The following UTS2 variants were observed in gnomAD, a reference collection of about 807,000 sequenced individuals.
UTS2 encodes urotensin-2.
In UTS2, 10 loss-of-function variants were observed where a neutral mutation model predicts 12.6. The ratio of observed to expected loss-of-function variants is 0.80; its 90% CI spans 0.49 to 1.35. The LOEUF (loss-of-function observed/expected upper bound fraction) is 1.35. Among genes scored for constraint, UTS2 ranks in the 40% most tolerant of loss-of-function variants. UTS2 has a pLI of 0.00. For synonymous variants in UTS2, 52 were observed against 50.0 expected, an observed-to-expected ratio of 1.04 and a Z score of -0.17; for missense variants, 142 against 143.2, an observed-to-expected ratio of 0.99 and a Z score of 0.04.
chr1:7,908,574 A>G, the UTS2 span, among the ~76,000 whole-genome samples: 1 of 151,522 alleles, frequency 6.6e-6, no homozygotes, highest in African/African-American at 2.4e-5. Context: ...TTGAGAGGCC[A>G]CTTCTCCCCC....
upstream of UTS2, among the ~76,000 whole-genome samples, chr1:7,854,007 ATCAC>A (rs1023640176): frequency 1.3e-5 from 2 of 152,196 alleles, no homozygotes; most frequent in African/African-American, 4.8e-5. Context: ...AGGCAGGAGG[ATCAC>A]TTGAGTTTAG....
the UTS2 span, among the ~76,000 whole-genome samples, chr1:7,904,865 C>G: frequency 7.9e-6 from 1 of 126,260 alleles, no homozygotes; most frequent in South Asian, 2.6e-4. Context: ...GATCGTGCCA[C>G]TGGACTCCAG....
At chr1:7,877,151 AAAGAAACATGAAAAAAC>A in the UTS2 span, among the ~76,000 whole-genome samples, 10,862 of 145,978 alleles carry the variant, frequency 0.074, 522 homozygotes, top group African/African-American at 0.14. Flanking sequence ...AAGAAAAAAA[AAAGAAACATGAAAAAAC>A]AAGAAACATG....
At position 7,853,048 on chromosome 1, in the gene UTS2, A is replaced by G; in HGVS notation, c.-45T>C. 6.3e-7 allele frequency: 1 copy of G among 1,591,152 alleles called. No homozygotes were observed. The highest frequency in any genetic ancestry group is 8.5e-7 in the Non-Finnish European group (1 of 1,172,158). On this transcript the variant is annotated 5_prime_UTR_variant, in exon 1 of 4. Coordinates refer to ENST00000361696, the MANE Select transcript of UTS2 (RefSeq NM_006786.4). Reference sequence around the variant, plus strand: ...GCTTCCTTCTTGGCTTCTGTTGTAGAGAACTTTCAACTGTCTCCTCATTCT... The same window carrying G: ...GCTTCCTTCTTGGCTTCTGTTGTAGGGAACTTTCAACTGTCTCCTCATTCT...
chr1:7,849,070 A>C (rs925661040), intron 3 of UTS2, among the ~76,000 whole-genome samples: 1 of 152,126 alleles, frequency 6.6e-6, no homozygotes, highest in African/African-American at 2.4e-5. Context: ...CAGACTGGAG[A>C]GCAGGGACCT....
chr1:7,855,459 C>T (rs976583183), upstream of UTS2, among the ~76,000 whole-genome samples: 1 of 152,014 alleles, frequency 6.6e-6, no homozygotes, highest in African/African-American at 2.4e-5. Flanking sequence ...TGGCGGGCCC[C>T]TGTAGTCACA....
the UTS2 span, among the ~76,000 whole-genome samples, chr1:7,908,200 G>A: frequency 1.3e-5 from 2 of 151,758 alleles, no homozygotes; most frequent in South Asian, 4.2e-4. Context: ...TCCGGAGCCT[G>A]GGGCAGTAGA....
the UTS2 span, among the ~76,000 whole-genome samples, chr1:7,901,499 T>C: frequency 6.6e-6 from 1 of 152,208 alleles, no homozygotes; most frequent in Admixed American, 6.5e-5. Context: ...GATCAGGCAC[T>C]GTGCTACTTG....
chr1:7,850,995 G>A, intron 1 of UTS2, 73 bp from the exon 2 acceptor site: 1 of 1,461,142 alleles, frequency 6.8e-7, no homozygotes, highest in Non-Finnish European at 9.5e-7. Flanking sequence ...TGTGTCTTTG[G>A]CGAGCACCAG....
the UTS2 span, among the ~76,000 whole-genome samples, chr1:7,871,877 T>G: frequency 4.4e-4 from 56 of 127,610 alleles, no homozygotes; most frequent in Admixed American, 6.5e-4. Context: ...TCTCTCCCTC[T>G]CCTTGGGCCT....
the UTS2 span, among the ~76,000 whole-genome samples, chr1:7,908,818 T>G: frequency 1.3e-5 from 2 of 151,980 alleles, no homozygotes; most frequent in African/African-American, 4.8e-5. Context: ...ATTTTTTTTT[T>G]TTTTTTGAGA....
chr1:7,878,302 TGAAAG>T, the UTS2 span, among the ~76,000 whole-genome samples: 1 of 152,116 alleles, frequency 6.6e-6, no homozygotes, highest in Non-Finnish European at 1.5e-5. Flanking sequence ...CATCTGGAAG[TGAAAG>T]GATGGTAGAT....
chr1:7,909,304 G>T, the UTS2 span, among the ~76,000 whole-genome samples: 1 of 151,976 alleles, frequency 6.6e-6, no homozygotes, highest in Non-Finnish European at 1.5e-5. Context: ...CAGCACTTTG[G>T]CAGGCCGAGG....
the UTS2 span, among the ~76,000 whole-genome samples, chr1:7,875,955 A>G: frequency 6.6e-6 from 1 of 152,204 alleles, no homozygotes; most frequent in African/African-American, 2.4e-5. Flanking sequence ...AGGTCTGCCC[A>G]TTCACTACCA....
At chr1:7,889,442 C>CAA in the UTS2 span, among the ~76,000 whole-genome samples, 35 of 85,262 alleles carry the variant, frequency 4.1e-4, no homozygotes, top group East Asian at 1.8e-3. Context: ...ATCTTATCAC[C>CAA]AAAAAAAAAA....
At chr1:7,905,384 A>T in the UTS2 span, among the ~76,000 whole-genome samples, 55 of 149,036 alleles carry the variant, frequency 3.7e-4, no homozygotes, top group African/African-American at 1.4e-3. Context: ...ACCTCAGGTG[A>T]TGCCCCTGCC....
chr1:7,874,576 C>G, the UTS2 span, among the ~76,000 whole-genome samples: 3 of 152,146 alleles, frequency 2.0e-5, no homozygotes, highest in East Asian at 5.8e-4. Context: ...GGGAGGCTGC[C>G]CCTGGGACAA....
chr1:7,848,398 C>T (rs1002604707), intron 3 of UTS2, among the ~76,000 whole-genome samples: 1 of 152,030 alleles, frequency 6.6e-6, no homozygotes, highest in Non-Finnish European at 1.5e-5. Flanking sequence ...AAGATCACAC[C>T]ACTGCACTCC....
the UTS2 span, among the ~76,000 whole-genome samples, chr1:7,878,863 T>C: frequency 6.6e-6 from 1 of 151,884 alleles, no homozygotes. Context: ...GAGCCAGGAG[T>C]AGCTATACTT....
Sources: gnomAD v4.1 joint callset for allele counts (sites outside exome capture counted in the v4.1 genomes callset) on GRCh38, gnomAD v4.1.1 for gene constraint, MANE v1.5 for transcripts, NCBI Gene and HGNC (gene_info 2026-07-23, HGNC 2026-07-21) for gene names.